The following DOCK3 variants were observed in gnomAD, a reference collection of about 807,000 sequenced individuals.
DOCK3 encodes the protein dedicator of cytokinesis protein 3.
DOCK3 carries 60 observed loss-of-function variants against 265.6 expected under a neutral mutation model. The ratio of observed to expected loss-of-function variants is 0.23; its 90% confidence interval spans 0.18 to 0.28. The LOEUF (loss-of-function observed/expected upper bound fraction) is 0.28, where lower values mean the gene tolerates loss of function less well. Ranked by LOEUF, DOCK3 falls within the 10% of genes least tolerant of loss-of-function variation. The probability of loss-of-function intolerance (pLI) is 1.00; values close to 1 mark genes in which losing one functional copy is unlikely to be tolerated. For missense variants in DOCK3, 1,981 were observed against 2,594.3 expected, an observed-to-expected ratio of 0.76 and a Z score of 5.14; for synonymous variants, 881 against 938.0, an observed-to-expected ratio of 0.94 and a Z score of 1.11.
intron 5 of DOCK3, among the ~76,000 whole-genome samples, chr3:51,012,215 C>T (rs2078980249): frequency 6.6e-6 from 1 of 152,172 alleles, no homozygotes; most frequent in Non-Finnish European, 1.5e-5. Context: ...ATGCCCTGCC[C>T]AATGGAGTTA....
chr3:50,867,094 C>T (rs1230283176), intron 3 of DOCK3, among the ~76,000 whole-genome samples: 1 of 152,046 alleles, frequency 6.6e-6, no homozygotes, highest in African/African-American at 2.4e-5. Flanking sequence ...TTTTTGGCAT[C>T]CCTCCAATTT....
intron 5 of DOCK3, among the ~76,000 whole-genome samples, chr3:50,995,279 G>C (rs1317569687): frequency 6.6e-6 from 1 of 152,164 alleles, no homozygotes; most frequent in Non-Finnish European, 1.5e-5. Context: ...GTTGCCAGCT[G>C]TTAGTTTCTG....
At chr3:50,910,666 A>G (rs1256829796) in intron 4 of DOCK3, among the ~76,000 whole-genome samples, 1 of 152,066 alleles carries the variant, frequency 6.6e-6, no homozygotes, top group Non-Finnish European at 1.5e-5. Context: ...GCCTTGTGTT[A>G]TGTTCTGCTG....
intron 1 of DOCK3, among the ~76,000 whole-genome samples, chr3:50,744,929 C>A (rs2039326254): frequency 6.6e-6 from 1 of 151,966 alleles, no homozygotes; most frequent in Non-Finnish European, 1.5e-5. Flanking sequence ...ATATGTCTAC[C>A]CTTATGTTAG....
chr3:51,113,922 G>A (rs2083625318), intron 9 of DOCK3, among the ~76,000 whole-genome samples: 1 of 152,032 alleles, frequency 6.6e-6, no homozygotes, highest in East Asian at 1.9e-4. Flanking sequence ...GATCAGCCTG[G>A]GCAACAAGCA....
intron 5 of DOCK3, among the ~76,000 whole-genome samples, chr3:51,028,591 A>G (rs577994373): frequency 6.6e-6 from 1 of 152,104 alleles, no homozygotes; most frequent in South Asian, 2.1e-4. Flanking sequence ...ACATAATCCC[A>G]TATTTCTTGA....
chr3:51,294,607 G>A (rs2081970351), intron 27 of DOCK3, among the ~76,000 whole-genome samples: 1 of 151,364 alleles, frequency 6.6e-6, no homozygotes, highest in South Asian at 2.1e-4. Context: ...GAACCCGGGA[G>A]GCGGAGCTTG....
At chr3:50,822,699 C>T (rs2044515465) in intron 2 of DOCK3, among the ~76,000 whole-genome samples, 1 of 152,032 alleles carries the variant, frequency 6.6e-6, no homozygotes, top group Admixed American at 6.6e-5. Context: ...TGCTGTGTTG[C>T]CCAGGCTGGT....
At chr3:50,958,872 CTGGT>C (rs2076805250) in intron 5 of DOCK3, among the ~76,000 whole-genome samples, 1 of 152,126 alleles carries the variant, frequency 6.6e-6, no homozygotes, top group Non-Finnish European at 1.5e-5. Flanking sequence ...TTTCACATTT[CTGGT>C]TATATTAGGC....
At chr3:50,729,356 T>TTTTATTTA (rs112747126) in intron 1 of DOCK3, among the ~76,000 whole-genome samples, 122 of 141,726 alleles carry the variant, frequency 8.6e-4, no homozygotes, top group South Asian at 2.2e-3. Context: ...TTTATTTTTA[T>TTTTATTTA]TTTATTTATT....
chr3:51,118,155 G>C (rs578088920), intron 9 of DOCK3, among the ~76,000 whole-genome samples: 4 of 152,200 alleles, frequency 2.6e-5, no homozygotes, highest in African/African-American at 7.2e-5. Context: ...CTGGTACATT[G>C]TATCTTTGTT....
Position 51,315,024 on chromosome 3 carries a change from C to T in DOCK3, c.3298C>T (p.Leu1100=). The T allele has an allele frequency of 6.2e-7, 1 of 1,611,826 alleles. No homozygotes were observed. Among genetic ancestry groups the T allele is most frequent in the East Asian group, 2.2e-5 (1 of 44,756 alleles). The part of the protein sequence containing the change: ...HFIPGMIGPF[L]GVTLVPQPEV... Reference sequence around the variant, plus strand: ...TATTCCGGGAATGATTGGTCCTTTTCTGGGTGTGACACTGGTCCCACAGCC... The same window carrying T: ...TATTCCGGGAATGATTGGTCCTTTTTTGGGTGTGACACTGGTCCCACAGCC... Residue 1100 remains leucine (L), a synonymous_variant, in exon 32 of 53, where the codon CTG becomes TTG. Transcript: ENST00000266037.
chr3:50,852,968 G>A (rs1330757607), intron 3 of DOCK3, among the ~76,000 whole-genome samples: 1 of 152,118 alleles, frequency 6.6e-6, no homozygotes, highest in African/African-American at 2.4e-5. Flanking sequence ...CATACAATGT[G>A]TAATGATCAA....
intron 4 of DOCK3, chr3:50,901,607 C>T (rs1253619712): frequency 6.6e-6 from 3 of 452,632 alleles, no homozygotes; most frequent in South Asian, 3.1e-5. Context: ...GGTGTAGGCA[C>T]CCGAGGGAAT....
intron 1 of DOCK3, among the ~76,000 whole-genome samples, chr3:50,727,495 C>T (rs1372915816): frequency 2.6e-5 from 4 of 151,986 alleles, no homozygotes; most frequent in Non-Finnish European, 5.9e-5. Flanking sequence ...GTCAGGAGTT[C>T]GAGACCAGCT....
At chr3:51,238,522 A>T (rs76822683) in intron 21 of DOCK3, among the ~76,000 whole-genome samples, 1 of 152,044 alleles carries the variant, frequency 6.6e-6, no homozygotes, top group African/African-American at 2.4e-5. Flanking sequence ...AATTTGTGTC[A>T]TGGAGGTTTG....
intron 22 of DOCK3, among the ~76,000 whole-genome samples, chr3:51,256,947 A>G (rs1456698760): frequency 6.6e-6 from 1 of 152,246 alleles, no homozygotes; most frequent in Non-Finnish European, 1.5e-5. Flanking sequence ...GACTAAAGCA[A>G]GGGCTTTCAA....
At chr3:50,680,794 G>A (rs908097476) in intron 1 of DOCK3, among the ~76,000 whole-genome samples, 1 of 151,682 alleles carries the variant, frequency 6.6e-6, no homozygotes, top group Non-Finnish European at 1.5e-5. Context: ...ATGAGCCACT[G>A]TGCCCAGCCT....
chr3:50,987,023 T>G (rs1348975611), intron 5 of DOCK3, among the ~76,000 whole-genome samples: 1 of 152,234 alleles, frequency 6.6e-6, no homozygotes, highest in Non-Finnish European at 1.5e-5. Flanking sequence ...TTTCCTGGTA[T>G]TTATGTTTTT....
Sources: gnomAD v4.1 joint callset for allele counts (sites outside exome capture counted in the v4.1 genomes callset) on GRCh38, gnomAD v4.1.1 for gene constraint, MANE v1.5 for transcripts, NCBI Gene and HGNC (gene_info 2026-07-23, HGNC 2026-07-21) for gene names.